WDFY4: variants seen among roughly 807,000 people sequenced by gnomAD.
WDFY4 encodes WD repeat- and FYVE domain-containing protein 4.
WDFY4 carries 169 observed loss-of-function variants against 351.9 expected under a neutral mutation model. The ratio of observed to expected loss-of-function variants is 0.48; its 90% CI spans 0.42 to 0.55. WDFY4 has a LOEUF of 0.55. Ranked by LOEUF, WDFY4 falls within the 20% of genes least tolerant of loss-of-function variation. The probability of loss-of-function intolerance (pLI) is 0.00; values close to 1 mark genes in which losing one functional copy is unlikely to be tolerated. For synonymous variants in WDFY4, 1,622 were observed against 1,574.6 expected, an observed-to-expected ratio of 1.03 and a Z score of -0.71; for missense variants, 3,803 against 3,935.6, an observed-to-expected ratio of 0.97 and a Z score of 0.90.
intron 51 of WDFY4, among the ~76,000 whole-genome samples, chr10:48,953,333 T>TCTCTCACACACACACACA (rs771339557): frequency 3.9e-5 from 5 of 128,234 alleles, no homozygotes; most frequent in Admixed American, 1.6e-4. Context: ...TCTCTCTCTC[T>TCTCTCACACACACACACA]CACACACACA....
intron 39 of WDFY4, among the ~76,000 whole-genome samples, chr10:48,854,114 A>ATTTT (rs11331850): frequency 2.2e-5 from 3 of 138,484 alleles, no homozygotes; most frequent in African/African-American, 8.3e-5. Context: ...AGTCTAAGTC[A>ATTTT]TTTTTTTTTT....
In WDFY4 at chr10:48,760,434, C is replaced by A; in HGVS notation, c.2547C>A (p.His849Gln). 6.4e-7 allele frequency: 1 copy of A among 1,551,652 alleles called. No homozygotes were observed. The highest frequency in any genetic ancestry group is 1.4e-5 in the African/African-American group (1 of 73,162). Residue 849 changes from histidine (H) to glutamine (Q), a missense_variant, in exon 13 of 62, where the codon CAC becomes CAA. Coordinates refer to ENST00000325239, the MANE Select transcript of WDFY4 (RefSeq NM_001394531.1). ...RLLPRLYHED[H>Q]PQLSEEIQCS... ...TGCCTCGGTTGTACCATGAAGATCA[C>A]CCACAGGTACCTGGTGTTGAATATG...
chr10:48,767,687 G>T (rs560393089), intron 13 of WDFY4, among the ~76,000 whole-genome samples: 7 of 152,188 alleles, frequency 4.6e-5, no homozygotes, highest in Non-Finnish European at 1.0e-4. Context: ...TCAAAATTCA[G>T]CAGAGACAAT....
chr10:48,770,807 C>T (rs2065839987), intron 13 of WDFY4, among the ~76,000 whole-genome samples: 1 of 152,196 alleles, frequency 6.6e-6, no homozygotes. Flanking sequence ...TTCAGGCTGG[C>T]TGTGCAGATG....
intron 47 of WDFY4, among the ~76,000 whole-genome samples, chr10:48,920,537 GA>G (rs1179982883): frequency 2.7e-5 from 4 of 150,472 alleles, no homozygotes; most frequent in South Asian, 4.2e-4. Flanking sequence ...TGAAAAAAAA[GA>G]AAAAAAAAGC....
chr10:48,807,488 T>G (rs1403448790), intron 27 of WDFY4, among the ~76,000 whole-genome samples: 1 of 152,240 alleles, frequency 6.6e-6, no homozygotes, highest in Non-Finnish European at 1.5e-5. Flanking sequence ...GACCATGGTC[T>G]TCAGCACTCT....
chr10:48,774,332 G>C (rs1347494786), intron 13 of WDFY4, 126 bp from the exon 14 acceptor site: 4 of 965,696 alleles, frequency 4.1e-6, no homozygotes, highest in Non-Finnish European at 6.4e-6. Flanking sequence ...GGTGTAGTGG[G>C]GATGGGGTAT....
chr10:48,963,951 C>T lies in WDFY4; in HGVS notation c.8333C>T (p.Pro2778Leu). 6.4e-7 allele frequency: 1 copy of T among 1,551,248 alleles called. No individual in the cohort carries two copies. The highest frequency in any genetic ancestry group is 8.7e-7 in the Non-Finnish European group (1 of 1,146,998). The change falls in exon 54 of 62, where the codon CCC (proline) becomes CTC (leucine). Residue 2778 changes from proline to leucine, a missense_variant. This residue lies in a region of WDFY4 where 3,054 missense variants were observed against 3,148.6 expected (regional missense o/e 0.97). Transcript: ENST00000325239. ...GTGGATGCTGTTAATATCTTCCACC[C>T]CTACTTCTACGGTGACAGAATGGAC... ...AAVDAVNIFHPYFYGDRMDLS... is the reference protein window; with the variant it reads ...AAVDAVNIFHLYFYGDRMDLS...
intron 45 of WDFY4, among the ~76,000 whole-genome samples, chr10:48,898,818 G>T (rs966705053): frequency 1.3e-5 from 2 of 152,174 alleles, no homozygotes; most frequent in African/African-American, 4.8e-5. Flanking sequence ...TAGCAGCCCT[G>T]CCCTGATGGT....
At chr10:48,799,540 C>T (rs917505256) in intron 24 of WDFY4, among the ~76,000 whole-genome samples, 2 of 151,986 alleles carry the variant, frequency 1.3e-5, no homozygotes, top group African/African-American at 2.4e-5. Context: ...ACGAAGAGGC[C>T]GAGGCGGGTG....
At chr10:48,824,278 A>T (rs751525970) in intron 35 of WDFY4, 73 of 765,086 alleles carry the variant, frequency 9.5e-5, no homozygotes, top group Non-Finnish European at 1.1e-4. Context: ...CAGTGGGGTA[A>T]CTTAGCGTCT....
chr10:48,895,073 T>C (rs950479627), intron 44 of WDFY4, among the ~76,000 whole-genome samples: 1 of 152,106 alleles, frequency 6.6e-6, no homozygotes, highest in Non-Finnish European at 1.5e-5. Context: ...CTGAGAAGGG[T>C]CTGCAGAGAG....
chr10:48,949,117 C>G (rs934485781), intron 51 of WDFY4, among the ~76,000 whole-genome samples: 2 of 152,184 alleles, frequency 1.3e-5, no homozygotes, highest in African/African-American at 4.8e-5. Flanking sequence ...ACCTTGAGCC[C>G]TTTTGACTCC....
At chr10:48,768,671 A>G (rs1227193041) in intron 13 of WDFY4, among the ~76,000 whole-genome samples, 1 of 150,868 alleles carries the variant, frequency 6.6e-6, no homozygotes, top group Non-Finnish European at 1.5e-5. Context: ...AACCAAGGTG[A>G]AGAGTCACGG....
chr10:48,908,000 G>A (rs1837709164), intron 47 of WDFY4, among the ~76,000 whole-genome samples: 1 of 152,166 alleles, frequency 6.6e-6, no homozygotes, highest in Non-Finnish European at 1.5e-5. Context: ...TGGCTTTGTG[G>A]GCCATGAGCA....
chr10:48,966,333 CCTCT>C (rs1273130350), intron 54 of WDFY4, among the ~76,000 whole-genome samples, 189 bp from the exon 55 acceptor site: 2 of 152,092 alleles, frequency 1.3e-5, no homozygotes, highest in East Asian at 3.9e-4. Context: ...AGTAGCTGTC[CCTCT>C]GTGAGCCCCA....
chr10:48,866,092 C>T (rs888780124), intron 39 of WDFY4, among the ~76,000 whole-genome samples: 14 of 152,032 alleles, frequency 9.2e-5, no homozygotes, highest in African/African-American at 3.1e-4. Flanking sequence ...TTACTTTCTG[C>T]ATTAATATTT....
chr10:48,690,166 G>T (rs950277275), intron 1 of WDFY4, among the ~76,000 whole-genome samples: 29 of 152,200 alleles, frequency 1.9e-4, no homozygotes, highest in African/African-American at 5.8e-4. Flanking sequence ...CTTCCCCTCA[G>T]CATTGCCCAT....
intron 17 of WDFY4, 40 bp from the exon 18 acceptor site, chr10:48,778,571 G>A (rs1359595861): frequency 1.3e-6 from 2 of 1,536,852 alleles, no homozygotes; most frequent in Non-Finnish European, 1.8e-6. Flanking sequence ...GCTCAGCAGG[G>A]CAGAACAAAG....
Sources: gnomAD v4.1 joint callset for allele counts (sites outside exome capture counted in the v4.1 genomes callset) on GRCh38, gnomAD v4.1.1 for gene constraint, gnomAD v4.1.1 regional missense constraint, MANE v1.5 for transcripts, NCBI Gene and HGNC (gene_info 2026-07-23, HGNC 2026-07-21) for gene names.